Variants in TULP4 observed in about 807,000 individuals in gnomAD.
The protein encoded by TULP4 is tubby-related protein 4.
A neutral mutation model predicts 129.0 loss-of-function variants in TULP4; 16 were observed. The observed-to-expected ratio is 0.12, with a 90% CI of 0.08 to 0.19. The LOEUF is 0.19. TULP4 is among the 10% of genes least tolerant of loss of function. The pLI is 1.00. For missense variants in TULP4, 1,842 were observed against 2,059.1 expected (o/e 0.89, Z 2.04); for synonymous variants, 998 against 854.0 (o/e 1.17, Z -2.94).
chr6:158,339,822 C>T (rs1780138125), intron 1 of TULP4, among the ~76,000 whole-genome samples: 1 of 152,182 alleles, frequency 6.6e-6, no homozygotes, highest in South Asian at 2.1e-4. Flanking sequence ...GTGCAGTTAA[C>T]ACAATCATCA....
rs546615779 is a variant in TULP4, at chr6:158,366,154, T to C, written c.253-46911T>C. ...TCCTGATGTCGTGATCTGCCCACCT[T>C]GACCTCCCAAAGTGCTGGGATTACA... On this transcript the variant is annotated intron_variant, in intron 1 of 13. Coordinates refer to ENST00000367097, the MANE Select transcript of TULP4 (RefSeq NM_020245.5). Among the ~76,000 whole-genome samples the C allele has an allele frequency of 8.5e-5, 13 of 152,148 alleles. No individual in the cohort carries two copies. In the South Asian group the frequency reaches 1.9e-3, roughly 22 times the overall value.
chr6:158,278,941 GTTT>G (rs35915892), upstream of TULP4, among the ~76,000 whole-genome samples: 40,215 of 123,180 alleles, frequency 0.33, 6,131 homozygotes, highest in Admixed American at 0.44. Context: ...GTTTTTTTTT[GTTT>G]TTTTTTTTTT....
At chr6:158,332,878 T>C (rs1779942954) in intron 1 of TULP4, among the ~76,000 whole-genome samples, 1 of 152,184 alleles carries the variant, frequency 6.6e-6, no homozygotes, top group Non-Finnish European at 1.5e-5. Context: ...CTATTGTTTA[T>C]TATAGAGCAC....
upstream of TULP4, among the ~76,000 whole-genome samples, chr6:158,311,885 G>GT (rs1779362874): frequency 6.6e-6 from 1 of 152,162 alleles, no homozygotes; most frequent in African/African-American, 2.4e-5. Context: ...CTGGTGAGGT[G>GT]TATCCTTTCA....
intron 1 of TULP4, among the ~76,000 whole-genome samples, chr6:158,346,332 T>C (rs1184034760): frequency 6.6e-6 from 1 of 152,218 alleles, no homozygotes; most frequent in Non-Finnish European, 1.5e-5. Context: ...CCATGAAGTC[T>C]TCACAATTTA....
intron 1 of TULP4, among the ~76,000 whole-genome samples, chr6:158,270,509 T>C (rs945697241): frequency 6.6e-6 from 1 of 152,252 alleles, no homozygotes; most frequent in African/African-American, 2.4e-5. Flanking sequence ...GCACCCGGCC[T>C]GTTCGGCCTG....
chr6:158,421,966 A>G (rs1778353809), intron 2 of TULP4, among the ~76,000 whole-genome samples: 1 of 152,188 alleles, frequency 6.6e-6, no homozygotes, highest in African/African-American at 2.4e-5. Context: ...GGAATTTGTG[A>G]GATATGATTA....
At chr6:158,363,567 T>G (rs1192998357) in intron 1 of TULP4, among the ~76,000 whole-genome samples, 1 of 152,240 alleles carries the variant, frequency 6.6e-6, no homozygotes, top group Non-Finnish European at 1.5e-5. Context: ...CACTGCAACC[T>G]CTGCCTCCTG....
chr6:158,365,693 G>A (rs755888647), intron 1 of TULP4, among the ~76,000 whole-genome samples: 5 of 151,484 alleles, frequency 3.3e-5, no homozygotes, highest in African/African-American at 4.8e-5. Context: ...ATAGGGTCTC[G>A]ATCTCCTGAC....
chr6:158,505,736 C>T (rs929081695), intron 13 of TULP4, among the ~76,000 whole-genome samples: 11 of 152,202 alleles, frequency 7.2e-5, no homozygotes, highest in Non-Finnish European at 1.3e-4. Context: ...CGGTGTTGGA[C>T]AGTGGTGGTG....
chr6:158,332,919 A>C (rs1468468432), intron 1 of TULP4, among the ~76,000 whole-genome samples: 1 of 152,152 alleles, frequency 6.6e-6, no homozygotes, highest in African/African-American at 2.4e-5. Context: ...GAGAGGCAAT[A>C]AACTGACATA....
chr6:158,313,622 T>C lies in TULP4; in HGVS notation c.-395T>C. 2.3e-6 allele frequency: 1 copy of C among 425,978 alleles called. No individual in the cohort carries two copies. The highest frequency in any genetic ancestry group is 4.1e-6 in the Non-Finnish European group (1 of 242,666). 26.4% of individuals were successfully genotyped at this position (425,978 alleles called of 1,614,324 possible). ...CTTTGTCTCTGGAATCATATTACAC[T>C]AAACTGGAATCTCAGGCTGAATGAG... On this transcript the variant is annotated 5_prime_UTR_variant, in exon 1 of 14. The change abolishes the stop of an existing upstream ORF in the 5' untranslated region. Transcript: ENST00000367097.
intron 1 of TULP4, among the ~76,000 whole-genome samples, chr6:158,385,509 C>G (rs1415615346): frequency 6.6e-6 from 1 of 152,114 alleles, no homozygotes; most frequent in Admixed American, 6.5e-5. Context: ...TCAGGCTACT[C>G]TTTGAACCTC....
At chr6:158,402,281 T>C (rs1171322862) in intron 1 of TULP4, among the ~76,000 whole-genome samples, 1 of 152,176 alleles carries the variant, frequency 6.6e-6, no homozygotes, top group African/African-American at 2.4e-5. Flanking sequence ...CCTTCAGCTT[T>C]GTCATATTCC....
intron 5 of TULP4, among the ~76,000 whole-genome samples, chr6:158,458,405 C>T (rs555681621): frequency 6.6e-6 from 1 of 152,144 alleles, no homozygotes; most frequent in Non-Finnish European, 1.5e-5. Context: ...AACATAGATG[C>T]TTCCAGAGTA....
Position 158,414,191 on chromosome 6 carries a change from T to A in TULP4, c.381+998T>A, listed in dbSNP as rs1778156499. On this transcript the variant is annotated intron_variant, in intron 2 of 13. Coordinates refer to ENST00000367097, the MANE Select transcript of TULP4 (RefSeq NM_020245.5). ...AGCATTTTTTTCTGAGTTGATTTGG[T>A]AGAGTAAATGTAATAATATTGACTG... Among the ~76,000 whole-genome samples the A allele has an allele frequency of 4.6e-5, 7 of 152,202 alleles. No homozygotes were observed. The South Asian group carries it at 1.4e-3, about 31-fold the overall frequency.
chr6:158,261,115 G>T (rs1032795817), intron 1 of TULP4, among the ~76,000 whole-genome samples: 1 of 152,066 alleles, frequency 6.6e-6, no homozygotes. Flanking sequence ...CACTGTGCGC[G>T]GCTGAAAAGT....
rs1448251816 is a variant in TULP4 at position 158,429,736 on chromosome 6, G to A, written c.382G>A (p.Val128Met). ...VELVNDRGAQ[V>M]SDFTWSHDGT... ...ACTCTTTTCTGTGTGTGTCCCCAAG[G>A]TGAGTGATTTCACGTGGAGCCATGA... The change falls in exon 3 of 14, where the codon GTG becomes ATG. Residue 128 changes from valine (V) to methionine (M), a missense_variant and splice_region_variant. This residue lies in a region of TULP4 where 151 missense variants were observed against 268.7 expected (regional missense o/e 0.56). Transcript: ENST00000367097. 6.2e-7 allele frequency: 1 copy of A among 1,610,256 alleles called. No homozygotes were observed. Among genetic ancestry groups the A allele is most frequent in the Non-Finnish European group, 8.5e-7 (1 of 1,178,262 alleles).
chr6:158,502,227 C>T lies in TULP4; in HGVS notation c.2564C>T (p.Pro855Leu), dbSNP rs748148323. 3.9e-5 allele frequency: 60 copies of T among 1,554,200 alleles called. No homozygotes were observed. Among genetic ancestry groups the T allele is most frequent in the Middle Eastern group, 2.1e-4 (1 of 4,652 alleles). The change falls in exon 13 of 14, where the codon CCG (proline) becomes CTG (leucine). Residue 855 changes from proline (P) to leucine (L), a missense_variant. This residue lies in a region of TULP4 where 1,089 missense variants were observed against 987.1 expected (regional missense o/e 1.10). Transcript: ENST00000367097. ...ACAGCAGCACCCCCGCCCCCTCTGC[C>T]GCCCCCACAGCCCCCAGTGGATGTG... ...PTTAAPPPPL[P>L]PPQPPVDVCL...
Sources: allele counts gnomAD v4.1 joint callset (sites outside exome capture counted in the v4.1 genomes callset), GRCh38; gene constraint gnomAD v4.1.1; regional missense constraint gnomAD v4.1.1; transcripts MANE v1.5; gene names NCBI Gene and HGNC (gene_info 2026-07-23, HGNC 2026-07-21).